The following RSPH9 variants were observed in gnomAD, a reference collection of about 807,000 sequenced individuals.
RSPH9 encodes the protein radial spoke head protein 9 homolog.
Under a neutral mutation model 27.0 loss-of-function variants are expected in RSPH9, and 27 were observed. That is an observed-to-expected ratio of 1.00 (90% confidence interval 0.74 to 1.38). The LOEUF (loss-of-function observed/expected upper bound fraction) is 1.38. Ranked by LOEUF, RSPH9 falls within the 40% of genes most tolerant of loss-of-function variation. The probability of loss-of-function intolerance (pLI) is 0.00; values close to 1 mark genes in which losing one functional copy is unlikely to be tolerated. For missense variants in RSPH9, 347 were observed against 357.4 expected (o/e 0.97, Z 0.24); for synonymous variants, 145 against 147.7 (o/e 0.98, Z 0.13).
intron 4 of RSPH9, among the ~76,000 whole-genome samples, chr6:43,663,846 A>G (rs1772869219): frequency 6.6e-6 from 1 of 152,024 alleles, no homozygotes; most frequent in Non-Finnish European, 1.5e-5. Context: ...TCTGGCCAAC[A>G]TAGTGAAACC....
rs1163299257 is a variant in RSPH9, at chr6:43,660,039, C to CTTTT, written c.670+3335_670+3338dup. 5.2e-4 allele frequency among the ~76,000 whole-genome samples: 57 copies of CTTTT among 109,340 alleles called. 1 individual carries two copies. The highest frequency in any genetic ancestry group is 2.4e-3 in the East Asian group (8 of 3,368). The allele number at this position is 109,340 out of a possible 152,430, so 71.7% of individuals were successfully genotyped here. ...CGTGAGCCACCATGCCCAGCCTGGC[C>CTTTT]TTTTTTTTTTTTTTTTTTTTTTGAG... On this transcript the variant is annotated intron_variant, in intron 4 of 4. Coordinates refer to ENST00000372163, the MANE Select transcript of RSPH9 (RefSeq NM_152732.5).
At chr6:43,654,605 C>T (rs1378887484) in intron 2 of RSPH9, among the ~76,000 whole-genome samples, 3 of 152,082 alleles carry the variant, frequency 2.0e-5, no homozygotes, top group African/African-American at 7.2e-5. Flanking sequence ...GGTGGATCAC[C>T]TGAGGTCAGG....
rs574427121 is a variant in RSPH9 at position 43,671,995 on chromosome 6, C to T, written c.*1046C>T. On this transcript the variant is annotated 3_prime_UTR_variant, in exon 5 of 5. Coordinates refer to ENST00000372163, the MANE Select transcript of RSPH9 (RefSeq NM_152732.5). ...GGAGCACTACCTCCTCAGGCCAGGC[C>T]ACGGTTGGGCAAGCAAATCCTTTCA... 4.8e-4 allele frequency: 668 copies of T among 1,397,346 alleles called. 4 individuals are homozygous for T. The African/African-American group carries it at 7.7e-3, about 16-fold the overall frequency. The allele number at this position is 1,397,346 out of a possible 1,614,324, so 86.6% of individuals were successfully genotyped here.
At chr6:43,655,770 C>A in intron 3 of RSPH9, 79 bp downstream of exon 3, 2 of 1,518,800 alleles carry the variant, frequency 1.3e-6, no homozygotes, top group Non-Finnish European at 1.8e-6. Flanking sequence ...GGGAGTCCAG[C>A]AGGGGGGCTT....
rs562643184 is a variant in RSPH9, at chr6:43,671,158, G to A, written c.*209G>A. 4.0e-5 allele frequency: 25 copies of A among 627,514 alleles called. No homozygotes were observed. Among genetic ancestry groups the A allele is most frequent in the South Asian group, 1.4e-4 (7 of 49,464 alleles). The allele number at this position is 627,514 out of a possible 1,614,324, so 38.9% of individuals were successfully genotyped here. A position where few individuals can be genotyped will look rare whatever the true frequency, so the allele number is the denominator to read the frequency against. ...GCTAATGAAAGAGATTCTAGACAAC[G>A]ATGGGTGGAAATGGCTGTGGGAGAA... On this transcript the variant is annotated 3_prime_UTR_variant, in exon 5 of 5. Coordinates refer to ENST00000372163, the MANE Select transcript of RSPH9 (RefSeq NM_152732.5).
chr6:43,663,699 A>G (rs1277010880), intron 4 of RSPH9, among the ~76,000 whole-genome samples: 3 of 152,120 alleles, frequency 2.0e-5, no homozygotes, highest in East Asian at 1.9e-4. Context: ...ATCAAAGATC[A>G]CTGATCACAG....
Position 43,645,169 on chromosome 6 carries a change from G to T in RSPH9, c.71G>T (p.Arg24Leu). ...SGSGQGLSPDRRASLLTSLML... is the reference protein window; with the variant it reads ...SGSGQGLSPDLRASLLTSLML... Reference sequence around the variant, plus strand: ...AGTGGGCAGGGCCTCAGCCCGGACCGTCGGGCCTCGCTGCTCACGTCTCTT... The same window carrying T: ...AGTGGGCAGGGCCTCAGCCCGGACCTTCGGGCCTCGCTGCTCACGTCTCTT... Residue 24 changes from arginine to leucine, a missense_variant, in exon 1 of 5, where the codon CGT (arginine) becomes CTT (leucine). Arg to Leu is a moderately radical substitution (Grantham distance 102). Coordinates refer to ENST00000372163, the MANE Select transcript of RSPH9 (RefSeq NM_152732.5). 6.2e-7 allele frequency: 1 copy of T among 1,613,670 alleles called. No individual in the cohort carries two copies. The highest frequency in any genetic ancestry group is 8.5e-7 in the Non-Finnish European group (1 of 1,180,000).
chr6:43,656,943 T>C (rs1772104662), intron 4 of RSPH9, among the ~76,000 whole-genome samples: 1 of 152,230 alleles, frequency 6.6e-6, no homozygotes, highest in African/African-American at 2.4e-5. Flanking sequence ...CCATATGCTT[T>C]CACAGAGAGG....
intron 4 of RSPH9, among the ~76,000 whole-genome samples, chr6:43,658,305 A>AG (rs1227686894): frequency 1.1e-4 from 16 of 149,128 alleles, no homozygotes; most frequent in African/African-American, 3.0e-4. Flanking sequence ...AAAAAAAAAA[A>AG]AAAAAGAAAA....
chr6:43,666,623 C>T (rs866736631), intron 4 of RSPH9: 13 of 750,718 alleles, frequency 1.7e-5, no homozygotes, highest in Middle Eastern at 3.9e-4. Flanking sequence ...GTTGTCATGC[C>T]GTGTCCAGGG....
chr6:43,667,606 A>T (rs567824549), intron 4 of RSPH9, among the ~76,000 whole-genome samples: 1 of 152,296 alleles, frequency 6.6e-6, no homozygotes, highest in African/African-American at 2.4e-5. Context: ...CTGGCTGACA[A>T]GTGTTCAGCC....
At chr6:43,651,542 C>CTCTT (rs904898653) in intron 2 of RSPH9, among the ~76,000 whole-genome samples, 4 of 152,020 alleles carry the variant, frequency 2.6e-5, no homozygotes, top group Non-Finnish European at 5.9e-5. Context: ...AACTCTCTCT[C>CTCTT]TCTTTCTTTC....
In RSPH9 at chr6:43,670,859, C is replaced by CACCTT; in HGVS notation, c.742_746dup (p.Phe249LeufsTer83). 6.2e-7 allele frequency: 1 copy of CACCTT among 1,614,254 alleles called. No individual in the cohort carries two copies. The highest frequency in any genetic ancestry group is 8.5e-7 in the Non-Finnish European group (1 of 1,180,048). ...TGCGCAGCCTGCTCTGGCCGGGCCT[C>CACCTT]ACCTTCTACCATGCTCCCCGCACCA... On this transcript the variant is annotated frameshift_variant, in exon 5 of 5. Coordinates refer to ENST00000372163, the MANE Select transcript of RSPH9 (RefSeq NM_152732.5). LOFTEE classifies it high-confidence loss of function.
At chr6:43,657,307 A>G (rs562993150) in intron 4 of RSPH9, among the ~76,000 whole-genome samples, 2 of 152,336 alleles carry the variant, frequency 1.3e-5, no homozygotes, top group South Asian at 2.1e-4. Flanking sequence ...AATGATGATG[A>G]TGGCAATGAT....
At position 43,671,647 on chromosome 6, in the gene RSPH9, G is replaced by C; in HGVS notation, c.*698G>C. 7.9e-7 allele frequency: 1 copy of C among 1,258,698 alleles called. No individual in the cohort carries two copies. The highest frequency in any genetic ancestry group is 1.1e-6 in the Non-Finnish European group (1 of 877,900). 78.0% of individuals were successfully genotyped at this position (1,258,698 alleles called of 1,614,324 possible). ...GTCCCCTGTCCATGCATGTTGGAGG[G>C]ACCAGGCCATCGTGGTGGGGTGGGA... On this transcript the variant is annotated 3_prime_UTR_variant, in exon 5 of 5. Coordinates refer to ENST00000372163, the MANE Select transcript of RSPH9 (RefSeq NM_152732.5).
intron 4 of RSPH9, among the ~76,000 whole-genome samples, chr6:43,666,797 CAG>C (rs1178081982): frequency 2.6e-5 from 4 of 152,160 alleles, no homozygotes; most frequent in African/African-American, 7.2e-5. Context: ...ATATTTGAGA[CAG>C]AGTCTCGCTG....
At chr6:43,662,316 C>T (rs1408814563) in intron 4 of RSPH9, among the ~76,000 whole-genome samples, 1 of 152,034 alleles carries the variant, frequency 6.6e-6, no homozygotes, top group African/African-American at 2.4e-5. Flanking sequence ...GGTTTGATTT[C>T]CTATCTAGAC....
At chr6:43,658,761 G>T (rs1772299386) in intron 4 of RSPH9, among the ~76,000 whole-genome samples, 1 of 152,106 alleles carries the variant, frequency 6.6e-6, no homozygotes, top group South Asian at 2.1e-4. Context: ...AGCCAGGATG[G>T]TCTCAATCTC....
chr6:43,657,057 A>G (rs151052620), intron 4 of RSPH9, among the ~76,000 whole-genome samples: 116 of 152,202 alleles, frequency 7.6e-4, no homozygotes, highest in Admixed American at 2.9e-3. Context: ...TTACATCTCA[A>G]CTGTTACTTT....
Sources: allele counts gnomAD v4.1 joint callset (sites outside exome capture counted in the v4.1 genomes callset), GRCh38; gene constraint gnomAD v4.1.1; transcripts MANE v1.5; gene names NCBI Gene and HGNC (gene_info 2026-07-23, HGNC 2026-07-21).